Variants in RARA observed in about 807,000 individuals in gnomAD.
RARA encodes retinoic acid receptor alpha.
In RARA, 5 loss-of-function variants were observed where a neutral mutation model predicts 42.8. The observed-to-expected ratio is 0.12, with a 90% CI of 0.06 to 0.25. The LOEUF (loss-of-function observed/expected upper bound fraction) is 0.25, where lower values mean the gene tolerates loss of function less well. Among genes scored for constraint, RARA ranks in the 10% least tolerant of loss-of-function variants. The pLI is 1.00. For synonymous variants in RARA, 256 were observed against 259.5 expected (o/e 0.99, Z 0.13); for missense variants, 402 against 628.7 (o/e 0.64, Z 3.86).
At chr17:40,335,608 T>G (rs2033821036) in intron 2 of RARA, among the ~76,000 whole-genome samples, 1 of 151,882 alleles carries the variant, frequency 6.6e-6, no homozygotes, top group South Asian at 2.1e-4. Flanking sequence ...GAGAATCGCT[T>G]GAACCCAGGA....
At chr17:40,342,200 C>T in intron 2 of RARA, 1 of 1,053,274 alleles carries the variant, frequency 9.5e-7, no homozygotes, top group Non-Finnish European at 1.1e-6. Context: ...TCGCCAGCTG[C>T]CCCTGGCCTG....
intron 1 of RARA, among the ~76,000 whole-genome samples, chr17:40,311,114 G>A (rs1398914705): frequency 1.3e-5 from 2 of 151,854 alleles, no homozygotes; most frequent in East Asian, 3.9e-4. Context: ...CCTGCTTGGC[G>A]TCCTTGTCTC....
In RARA at chr17:40,356,147, T is replaced by C. The variant is rs1402428481; in HGVS notation, c.1310T>C (p.Leu437Pro). ...PGGGGRDGGG[L>P]APPPGSCSPS... The stretch of plus-strand genomic sequence containing the variant: ...GGTGGGGGGCGGGACGGGGGTGGCC[T>C]GGCCCCCCCGCCAGGCAGCTGTAGC... The change falls in exon 9 of 9, where the codon CTG becomes CCG. Residue 437 changes from leucine (L) to proline (P), a missense_variant. Leu to Pro is a moderately conservative substitution (Grantham distance 98). This residue lies in a region of RARA where 73 missense variants were observed against 59.8 expected (regional missense o/e 1.22). Transcript: ENST00000254066. 2 of 1,553,568 alleles carry C rather than the reference T, an allele frequency of 1.3e-6. No homozygotes were observed. Among genetic ancestry groups the C allele is most frequent in the Admixed American group, 1.9e-5 (1 of 51,344 alleles).
At chr17:40,333,520 G>C (rs1451380152) in intron 2 of RARA, among the ~76,000 whole-genome samples, 3 of 151,372 alleles carry the variant, frequency 2.0e-5, no homozygotes, top group African/African-American at 7.3e-5. Context: ...ATTTTTAGTA[G>C]AGATGGGGTT....
chr17:40,321,108 T>TG lies in RARA; in HGVS notation c.-362-9743dup, dbSNP rs528894024. On this transcript the variant is annotated intron_variant, in intron 1 of 8. Transcript: ENST00000254066. ...ACACAGTTTGTGGGGGGATGCACGG[T>TG]GGGGGGCAGGGCCTGGATCTCCGTG... 6.7e-4 allele frequency among the ~76,000 whole-genome samples: 101 copies of TG among 151,808 alleles called. No homozygotes were observed. The Middle Eastern group carries it at 0.014, about 21-fold the overall frequency.
At chr17:40,353,887 T>C (rs1157174567) in intron 6 of RARA, among the ~76,000 whole-genome samples, 1 of 152,166 alleles carries the variant, frequency 6.6e-6, no homozygotes, top group African/African-American at 2.4e-5. Flanking sequence ...GCTTGTTGTG[T>C]ACCTCATCCT....
intron 1 of RARA, among the ~76,000 whole-genome samples, chr17:40,316,502 G>A (rs2033216390): frequency 6.6e-6 from 1 of 152,260 alleles, no homozygotes; most frequent in African/African-American, 2.4e-5. Flanking sequence ...GGGAGGCAGT[G>A]TAGCTGTGTG....
chr17:40,317,484 C>T (rs756893519), intron 1 of RARA, among the ~76,000 whole-genome samples: 1 of 151,848 alleles, frequency 6.6e-6, no homozygotes, highest in African/African-American at 2.4e-5. Flanking sequence ...CAGACTTGTT[C>T]GGGAGAGAGA....
chr17:40,356,108 G>C lies in RARA; in HGVS notation c.1271G>C (p.Ser424Thr), dbSNP rs778615243. Residue 424 changes from serine to threonine, a missense_variant, in exon 9 of 9, where the codon AGC becomes ACC. Coordinates refer to ENST00000254066, the MANE Select transcript of RARA (RefSeq NM_000964.4). ...LENSEGLDTLSGQPGGGGRDG... is the reference protein window; with the variant it reads ...LENSEGLDTLTGQPGGGGRDG... Reference sequence around the variant, plus strand: ...AACTCAGAGGGCCTGGACACTCTGAGCGGACAGCCGGGGGGTGGGGGGCGG... The same window carrying C: ...AACTCAGAGGGCCTGGACACTCTGACCGGACAGCCGGGGGGTGGGGGGCGG... 1 of 649,908 alleles carries C rather than the reference G, an allele frequency of 1.5e-6. No homozygotes were observed. Among genetic ancestry groups the C allele is most frequent in the Admixed American group, 2.1e-5 (1 of 47,038 alleles). The allele number at this position is 649,908 out of a possible 1,614,324, so 40.3% of individuals were successfully genotyped here. A position where few individuals can be genotyped will look rare whatever the true frequency, so the allele number is the denominator to read the frequency against.
rs1170557747 is a variant in RARA at position 40,356,685 on chromosome 17, C to G, written c.*459C>G. On this transcript the variant is annotated 3_prime_UTR_variant, in exon 9 of 9. Coordinates refer to ENST00000254066, the MANE Select transcript of RARA (RefSeq NM_000964.4). The stretch of plus-strand genomic sequence containing the variant: ...GGGGTGGGACAGGGGCGGGGGGTTC[C>G]CCCTGTACATACCCTGCCATACCAA... 7.4e-6 allele frequency: 4 copies of G among 542,476 alleles called. No homozygotes were observed. Among genetic ancestry groups the G allele is most frequent in the Non-Finnish European group, 1.4e-5 (4 of 282,360 alleles). 33.6% of individuals were successfully genotyped at this position (542,476 alleles called of 1,614,324 possible). A position where few individuals can be genotyped will look rare whatever the true frequency, so the allele number is the denominator to read the frequency against.
At chr17:40,333,068 G>C (rs1169152584) in intron 2 of RARA, among the ~76,000 whole-genome samples, 1 of 151,990 alleles carries the variant, frequency 6.6e-6, no homozygotes, top group Non-Finnish European at 1.5e-5. Flanking sequence ...TTATTTTTTT[G>C]AGACAGAGTC....
In RARA at chr17:40,351,894, C is replaced by G. The variant is rs754986430; in HGVS notation, c.470-16C>G. ...CAGCCTGCAGCTGCCCTCTTAACCCCCTCTGCCCTCCACAGCTGTGAGAAA... is the reference window on the plus strand; with the variant it reads ...CAGCCTGCAGCTGCCCTCTTAACCCGCTCTGCCCTCCACAGCTGTGAGAAA... On this transcript the variant is annotated splice_polypyrimidine_tract_variant and intron_variant, in intron 4 of 8. Transcript: ENST00000254066. This position sits in a 1 kb window ranked among gnomAD's most constrained non-coding sequence, Gnocchi z 4.1. 5.0e-6 allele frequency: 8 copies of G among 1,607,630 alleles called. No homozygotes were observed. Among genetic ancestry groups the G allele is most frequent in the Non-Finnish European group, 6.8e-6 (8 of 1,178,344 alleles).
At chr17:40,331,927 G>C (rs1398207979) in intron 2 of RARA, among the ~76,000 whole-genome samples, 1 of 152,188 alleles carries the variant, frequency 6.6e-6, no homozygotes, top group Non-Finnish European at 1.5e-5. Context: ...GCTTCCCTTT[G>C]TGGGGAGGAT....
rs2143527913 is a variant in RARA, at chr17:40,354,465, C to T, written c.971C>T (p.Ala324Val). 3 of 1,554,996 alleles carry T rather than the reference C, an allele frequency of 1.9e-6. No homozygotes were observed. The highest frequency in any genetic ancestry group is 2.6e-6 in the Non-Finnish European group (3 of 1,144,206). Residue 324 changes from alanine to valine, a missense_variant, in exon 7 of 9, where the codon GCG becomes GTG. Around this residue, in one of 5 missense-constraint regions of RARA, gnomAD observed 104 missense variants for 160.1 expected, o/e 0.65. Transcript: ENST00000254066. This position sits in a 1 kb window ranked among gnomAD's most constrained non-coding sequence, Gnocchi z 4.5. ...NQLLPLEMDD[A>V]ETGLLSAICL... ...CTGCTGCCCCTGGAGATGGATGATGCGGAGACGGGGCTGCTCAGCGCCATC... is the reference window on the plus strand; with the variant it reads ...CTGCTGCCCCTGGAGATGGATGATGTGGAGACGGGGCTGCTCAGCGCCATC...
chr17:40,354,656 G>C lies in RARA; in HGVS notation c.1012+150G>C, dbSNP rs986872804. 4.8e-6 allele frequency: 5 copies of C among 1,039,832 alleles called. No individual in the cohort carries two copies. The African/African-American group carries it at 8.1e-5, about 17-fold the overall frequency. 64.4% of individuals were successfully genotyped at this position (1,039,832 alleles called of 1,614,324 possible). On this transcript the variant is annotated intron_variant, in intron 7 of 8. Coordinates refer to ENST00000254066, the MANE Select transcript of RARA (RefSeq NM_000964.4). The surrounding 1 kb of genome is among the most constrained non-coding windows in gnomAD (Gnocchi z 4.5). The stretch of plus-strand genomic sequence containing the variant: ...CTACACAGCAAGGGGGCCATGTGGG[G>C]CCTGGACTCCTGTTCCCGATTTCTG...
At chr17:40,322,406 G>A (rs759152100) in intron 1 of RARA, among the ~76,000 whole-genome samples, 6 of 152,138 alleles carry the variant, frequency 3.9e-5, no homozygotes, top group African/African-American at 9.6e-5. Flanking sequence ...GGGGCACGCC[G>A]GGGCTGGGTC....
At position 40,345,669 on chromosome 17, in the gene RARA, G is replaced by A. The variant is rs186581289; in HGVS notation, c.179-2647G>A. On this transcript the variant is annotated intron_variant, in intron 2 of 8. Coordinates refer to ENST00000254066, the MANE Select transcript of RARA (RefSeq NM_000964.4). This position sits in a 1 kb window ranked among gnomAD's most constrained non-coding sequence, Gnocchi z 4.8. ...AAGGTGTGGTCCTTCTCTAGCCCGA[G>A]TCCTTCTGCAGGAAGAGGAGAGATT... Among the ~76,000 whole-genome samples, 37 of 152,374 alleles carry A rather than the reference G, an allele frequency of 2.4e-4. No individual in the cohort carries two copies. Among genetic ancestry groups the A allele is most frequent in the African/African-American group, 8.4e-4 (35 of 41,588 alleles).
At chr17:40,342,284 G>A (rs1439535499) in intron 2 of RARA, 2 of 1,061,974 alleles carry the variant, frequency 1.9e-6, no homozygotes, top group Admixed American at 5.4e-5. Flanking sequence ...GAGAAGCCCC[G>A]GATCCCCGGC....
At position 40,339,133 on chromosome 17, in the gene RARA, C is replaced by T. The variant is rs561591745; in HGVS notation, c.178+7737C>T. Among the ~76,000 whole-genome samples, 7 of 152,326 alleles carry T rather than the reference C, an allele frequency of 4.6e-5. No individual in the cohort carries two copies. The South Asian group carries it at 1.2e-3, about 27-fold the overall frequency. On this transcript the variant is annotated intron_variant, in intron 2 of 8. Transcript: ENST00000254066. ...CTGCTGAGGCCCTTGGTGAGTTTCACGTACCCAGCAAGGCTGTGATAGTGA... is the reference window on the plus strand; with the variant it reads ...CTGCTGAGGCCCTTGGTGAGTTTCATGTACCCAGCAAGGCTGTGATAGTGA...
Sources: allele counts gnomAD v4.1 joint callset (sites outside exome capture counted in the v4.1 genomes callset), GRCh38; gene constraint gnomAD v4.1.1; regional missense constraint gnomAD v4.1.1; non-coding constraint Gnocchi (gnomAD v3.1); transcripts MANE v1.5; gene names NCBI Gene and HGNC (gene_info 2026-07-23, HGNC 2026-07-21).